EPHB2: variants seen among roughly 807,000 people sequenced by gnomAD.
The protein encoded by EPHB2 is EPH receptor B2.
Under a neutral mutation model 96.4 loss-of-function variants are expected in EPHB2, and 18 were observed. The observed-to-expected ratio is 0.19, with a 90% confidence interval of 0.13 to 0.28. EPHB2 has a LOEUF of 0.28. EPHB2 is among the 10% of genes least tolerant of loss of function. The probability of loss-of-function intolerance (pLI) is 1.00; values close to 1 mark genes in which losing one functional copy is unlikely to be tolerated. For synonymous variants in EPHB2, 506 were observed against 534.1 expected (o/e 0.95, Z 0.72); for missense variants, 989 against 1,355.4 (o/e 0.73, Z 4.25).
intron 3 of EPHB2, among the ~76,000 whole-genome samples, chr1:22,817,762 T>C (rs1490526821): frequency 6.6e-6 from 1 of 152,192 alleles, no homozygotes; most frequent in African/African-American, 2.4e-5. Context: ...GACCCCCTGC[T>C]TGGCATGAAC....
At position 22,919,580 on chromosome 1, in the gene EPHB2, G is replaced by A. The variant is rs1640346649; in HGVS notation, c.*6010G>A. ...TCCAGCTGGACCTAGAGCTACAGAT[G>A]CCCCACCACCACTACCAAGCCCGGC... On this transcript the variant is annotated 3_prime_UTR_variant, in exon 16 of 16. Coordinates refer to ENST00000374630, the MANE Select transcript of EPHB2 (RefSeq NM_017449.5). The A allele has an allele frequency of 6.5e-6, 1 of 152,850 alleles. No homozygotes were observed. Among genetic ancestry groups the A allele is most frequent in the Non-Finnish European group, 1.5e-5 (1 of 68,622 alleles). The allele number at this position is 152,850 out of a possible 1,614,324, so 9.5% of individuals were successfully genotyped here.
At position 22,848,581 on chromosome 1, in the gene EPHB2, T is replaced by G. The variant is rs191695763; in HGVS notation, c.812-14456T>G. Reference sequence around the variant, plus strand: ...TCACTGGGGTGGCTGCCAAGCCACATCTTGTGCATTTGATTTATGGCTTGG... The same window carrying G: ...TCACTGGGGTGGCTGCCAAGCCACAGCTTGTGCATTTGATTTATGGCTTGG... On this transcript the variant is annotated intron_variant, in intron 3 of 15. Coordinates refer to ENST00000374630, the MANE Select transcript of EPHB2 (RefSeq NM_017449.5). 2.1e-3 allele frequency among the ~76,000 whole-genome samples: 325 copies of G among 152,322 alleles called. 1 individual carries two copies. Among genetic ancestry groups the G allele is most frequent in the African/African-American group, 7.4e-3 (309 of 41,570 alleles).
intron 1 of EPHB2, chr1:22,775,355 C>CT: frequency 1.4e-6 from 1 of 733,380 alleles, no homozygotes; most frequent in Non-Finnish European, 2.5e-6. Flanking sequence ...CTGGCCAGCG[C>CT]TTGGCATGTA....
At chr1:22,878,781 C>T (rs1008466634) in intron 5 of EPHB2, among the ~76,000 whole-genome samples, 29 of 152,242 alleles carry the variant, frequency 1.9e-4, no homozygotes, top group African/African-American at 4.8e-4. Context: ...CTAGGCTAGA[C>T]GGCCTTGCCA....
Position 22,909,005 on chromosome 1 carries a change from C to A in EPHB2, c.2353-17C>A. On this transcript the variant is annotated splice_polypyrimidine_tract_variant and intron_variant, in intron 12 of 15. Coordinates refer to ENST00000374630, the MANE Select transcript of EPHB2 (RefSeq NM_017449.5). ...GCCAGCCTCCCACCCACAAACCCTCCTCTTTCTGTCTCCCAGGGCGGAAAG... is the reference window on the plus strand; with the variant it reads ...GCCAGCCTCCCACCCACAAACCCTCATCTTTCTGTCTCCCAGGGCGGAAAG... 1 of 1,614,152 alleles carries A rather than the reference C, an allele frequency of 6.2e-7. No individual in the cohort carries two copies. The highest frequency in any genetic ancestry group is 1.1e-5 in the South Asian group (1 of 91,078).
rs114955695 is a variant in EPHB2, at chr1:22,828,486, G to A, written c.812-34551G>A. Among the ~76,000 whole-genome samples the A allele has an allele frequency of 8.7e-3, 1,325 of 152,260 alleles. 24 individuals carry two copies. Among genetic ancestry groups the A allele is most frequent in the African/African-American group, 0.03 (1,255 of 41,544 alleles). ...CCCAATCCTTGTTCTGGCAGGAAGA[G>A]GCCAGAGGGTCCAGACTGTAAAAGA... On this transcript the variant is annotated intron_variant, in intron 3 of 15. Transcript: ENST00000374630.
rs1333818816 is a variant in EPHB2 at position 22,811,781 on chromosome 1, G to A, written c.811+26705G>A. Among the ~76,000 whole-genome samples, 3 of 152,224 alleles carry A rather than the reference G, an allele frequency of 2.0e-5. No individual in the cohort carries two copies. The East Asian group carries it at 5.8e-4, about 29-fold the overall frequency. On this transcript the variant is annotated intron_variant, in intron 3 of 15. Coordinates refer to ENST00000374630, the MANE Select transcript of EPHB2 (RefSeq NM_017449.5). ...TGGCCGGGGGCAGTGGCTCATGCCT[G>A]GAATCCCAACTCTTTGGGAGGCCAA...
At chr1:22,720,838 G>C (rs972062057) in intron 1 of EPHB2, among the ~76,000 whole-genome samples, 3 of 152,156 alleles carry the variant, frequency 2.0e-5, no homozygotes, top group Non-Finnish European at 4.4e-5. Flanking sequence ...TGGCAGCCTG[G>C]AGTTGTAGAT....
At chr1:22,803,653 A>ATGTGTGTATATATATG (rs1644879819) in intron 3 of EPHB2, among the ~76,000 whole-genome samples, 1 of 12,462 alleles carries the variant, frequency 8.0e-5, no homozygotes, top group Non-Finnish European at 2.5e-4. Context: ...GTGTATATAT[A>ATGTGTGTATATATATG]TATATGTGTA....
intron 5 of EPHB2, among the ~76,000 whole-genome samples, chr1:22,867,740 T>G (rs941937706): frequency 1.3e-5 from 2 of 152,100 alleles, no homozygotes; most frequent in African/African-American, 4.8e-5. Flanking sequence ...GGCGTGGTGG[T>G]GAGCACCTGC....
rs565214604 is a variant in EPHB2 at position 22,882,304 on chromosome 1, A to G, written c.1304-55A>G. ...GTCCGAGTACCTCTGAGGGTGGGCC[A>G]GAAGCTGCACCTTCTCATGCCTCCC... On this transcript the variant is annotated intron_variant, in intron 5 of 15. Coordinates refer to ENST00000374630, the MANE Select transcript of EPHB2 (RefSeq NM_017449.5). 99 of 1,607,034 alleles carry G rather than the reference A, an allele frequency of 6.2e-5. No homozygotes were observed. The South Asian group carries it at 1.1e-3, about 18-fold the overall frequency.
chr1:22,753,134 C>T (rs1004828591), intron 1 of EPHB2, among the ~76,000 whole-genome samples: 4 of 152,130 alleles, frequency 2.6e-5, no homozygotes, highest in African/African-American at 9.7e-5. Context: ...CTTTTTCACC[C>T]ACTACTGGTT....
chr1:22,895,658 A>G, intron 8 of EPHB2, 78 bp downstream of exon 8: 1 of 1,333,356 alleles, frequency 7.5e-7, no homozygotes, highest in East Asian at 2.3e-5. Flanking sequence ...ATCCCTCTAC[A>G]GTGCTGGTGA....
At position 22,858,056 on chromosome 1, in the gene EPHB2, G is replaced by A. The variant is rs757315391; in HGVS notation, c.812-4981G>A. Among the ~76,000 whole-genome samples the A allele has an allele frequency of 1.3e-5, 2 of 152,162 alleles. No individual in the cohort carries two copies. Among genetic ancestry groups the A allele is most frequent in the Non-Finnish European group, 2.9e-5 (2 of 68,024 alleles). On this transcript the variant is annotated intron_variant, in intron 3 of 15. Coordinates refer to ENST00000374630, the MANE Select transcript of EPHB2 (RefSeq NM_017449.5). This position sits in a 1 kb window ranked among gnomAD's most constrained non-coding sequence, Gnocchi z 7.7. Reference sequence around the variant, plus strand: ...AGAGACAATTGCTTTAGCCAGGGTGGTCAGGGTGGGCCTCTCGGAGGAGGT... The same window carrying A: ...AGAGACAATTGCTTTAGCCAGGGTGATCAGGGTGGGCCTCTCGGAGGAGGT...
chr1:22,740,357 T>C (rs1190043780), intron 1 of EPHB2, among the ~76,000 whole-genome samples: 1 of 152,220 alleles, frequency 6.6e-6, no homozygotes, highest in Non-Finnish European at 1.5e-5. Context: ...GGGACTGTCC[T>C]ACCCAATCAG....
intron 1 of EPHB2, among the ~76,000 whole-genome samples, chr1:22,763,117 G>A (rs2148396954): frequency 6.6e-6 from 1 of 152,306 alleles, no homozygotes; most frequent in East Asian, 1.9e-4. Flanking sequence ...GTCTGAGAGT[G>A]GACAGGACAT....
At chr1:22,765,977 G>C (rs1054386423) in intron 1 of EPHB2, among the ~76,000 whole-genome samples, 1 of 152,194 alleles carries the variant, frequency 6.6e-6, no homozygotes, top group African/African-American at 2.4e-5. Flanking sequence ...GCTCAGGGAG[G>C]ATTCCTTAGA....
intron 3 of EPHB2, among the ~76,000 whole-genome samples, chr1:22,851,017 C>T (rs772221848): frequency 5.3e-5 from 8 of 152,112 alleles, no homozygotes; most frequent in Non-Finnish European, 1.0e-4. Context: ...TGTTTAGATA[C>T]AGGGTCTTGC....
At chr1:22,847,258 G>C (rs1206740602) in intron 3 of EPHB2, among the ~76,000 whole-genome samples, 2 of 152,214 alleles carry the variant, frequency 1.3e-5, no homozygotes, top group African/African-American at 4.8e-5. Context: ...TGCAAAGACA[G>C]TTTGAGGAGC....
Sources: allele counts gnomAD v4.1 joint callset (sites outside exome capture counted in the v4.1 genomes callset), GRCh38; gene constraint gnomAD v4.1.1; non-coding constraint Gnocchi (gnomAD v3.1); transcripts MANE v1.5; gene names NCBI Gene and HGNC (gene_info 2026-07-23, HGNC 2026-07-21).